COL19A1: variants seen among roughly 807,000 people sequenced by gnomAD.
The protein encoded by COL19A1 is collagen type XIX alpha 1 chain.
A neutral mutation model predicts 190.2 loss-of-function variants in COL19A1; 159 were observed. That is an observed-to-expected ratio of 0.84 (90% CI 0.73 to 0.95). The LOEUF is 0.95. Ranked by LOEUF, COL19A1 falls within the 40% of genes least tolerant of loss-of-function variation. COL19A1 has a pLI of 0.00. For synonymous variants in COL19A1, 509 were observed against 458.9 expected, an observed-to-expected ratio of 1.11 and a Z score of -1.39; for missense variants, 1,418 against 1,431.9, an observed-to-expected ratio of 0.99 and a Z score of 0.16.
intron 4 of COL19A1, among the ~76,000 whole-genome samples, chr6:69,919,542 A>G (rs1215337722): frequency 1.3e-5 from 2 of 152,060 alleles, no homozygotes; most frequent in African/African-American, 4.8e-5. Context: ...TGTATTTCCT[A>G]ATGGTTTTAA....
intron 11 of COL19A1, among the ~76,000 whole-genome samples, chr6:70,003,956 C>A (rs1777448643): frequency 6.6e-6 from 1 of 152,106 alleles, no homozygotes; most frequent in Admixed American, 6.6e-5. Context: ...GATGCAATTT[C>A]TTCATAGTGT....
At chr6:70,046,692 TTAATC>T in intron 14 of COL19A1, among the ~76,000 whole-genome samples, 1 of 151,414 alleles carries the variant, frequency 6.6e-6, no homozygotes, top group Middle Eastern at 3.4e-3. Context: ...TAAAATGTCT[TTAATC>T]TATAGTTGTA....
chr6:70,147,999 G>A (rs1027912556), intron 27 of COL19A1, among the ~76,000 whole-genome samples: 1 of 152,120 alleles, frequency 6.6e-6, no homozygotes, highest in Non-Finnish European at 1.5e-5. Context: ...GAGATACAAA[G>A]GGAGAGGTCT....
chr6:70,052,638 TA>T (rs1323937072), intron 14 of COL19A1, among the ~76,000 whole-genome samples: 4 of 152,212 alleles, frequency 2.6e-5, no homozygotes, highest in Admixed American at 1.3e-4. Context: ...GTTTCCTATA[TA>T]ATCTATTCTG....
intron 27 of COL19A1, among the ~76,000 whole-genome samples, chr6:70,148,881 T>A (rs1786848705): frequency 6.6e-6 from 1 of 151,432 alleles, no homozygotes; most frequent in African/African-American, 2.4e-5. Flanking sequence ...GAGCTGAGAT[T>A]GCACCACTGT....
At chr6:70,009,971 A>T (rs1185678515) in intron 11 of COL19A1, among the ~76,000 whole-genome samples, 1 of 152,334 alleles carries the variant, frequency 6.6e-6, no homozygotes, top group Non-Finnish European at 1.5e-5. Context: ...ATAAATGTAA[A>T]AACCAAAACT....
chr6:70,052,474 A>G (rs1780259630), intron 14 of COL19A1, among the ~76,000 whole-genome samples: 1 of 152,178 alleles, frequency 6.6e-6, no homozygotes, highest in Non-Finnish European at 1.5e-5. Flanking sequence ...ACCATGGCTA[A>G]CTATACCGCT....
At chr6:69,996,090 C>G (rs1227765459) in intron 11 of COL19A1, among the ~76,000 whole-genome samples, 1 of 152,066 alleles carries the variant, frequency 6.6e-6, no homozygotes, top group Non-Finnish European at 1.5e-5. Flanking sequence ...CTGATGAGGT[C>G]ATCATTTGAA....
At chr6:69,977,161 C>T (rs948952901) in intron 11 of COL19A1, among the ~76,000 whole-genome samples, 1 of 152,074 alleles carries the variant, frequency 6.6e-6, no homozygotes, top group African/African-American at 2.4e-5. Flanking sequence ...TTAGAACCAA[C>T]CCAAATGTCC....
chr6:69,945,504 G>A (rs1002561500), intron 9 of COL19A1, among the ~76,000 whole-genome samples: 11 of 151,922 alleles, frequency 7.2e-5, no homozygotes, highest in Non-Finnish European at 7.4e-5. Context: ...ACCAAAATAC[G>A]TTCATAATTT....
chr6:69,972,860 T>A (rs181826593), intron 11 of COL19A1, among the ~76,000 whole-genome samples: 1 of 152,326 alleles, frequency 6.6e-6, no homozygotes, highest in African/African-American at 2.4e-5. Context: ...TATTGCAATG[T>A]CTTTTGAATT....
intron 9 of COL19A1, among the ~76,000 whole-genome samples, chr6:69,947,421 G>A (rs1327477945): frequency 6.6e-6 from 1 of 151,644 alleles, no homozygotes; most frequent in Admixed American, 6.6e-5. Context: ...TTCAGTTTTT[G>A]TAGAATATTT....
intron 2 of COL19A1, 114 bp from the exon 3 acceptor site, chr6:69,898,834 A>T (rs1204471814): frequency 1.6e-5 from 11 of 677,020 alleles, no homozygotes; most frequent in Non-Finnish European, 2.7e-5. Flanking sequence ...CATTTTACAG[A>T]AATTTAATAA....
At chr6:69,937,075 T>C (rs1342666936) in intron 8 of COL19A1, among the ~76,000 whole-genome samples, 165 bp downstream of exon 8, 3 of 152,128 alleles carry the variant, frequency 2.0e-5, no homozygotes, top group Non-Finnish European at 4.4e-5. Context: ...AAGATAGGAC[T>C]TCCTGGATTC....
chr6:69,882,808 C>T (rs1254806210), intron 2 of COL19A1, among the ~76,000 whole-genome samples: 1 of 152,092 alleles, frequency 6.6e-6, no homozygotes, highest in Non-Finnish European at 1.5e-5. Flanking sequence ...ACCTATTATT[C>T]CAAAATGTGG....
At chr6:70,007,774 A>AT (rs1207360570) in intron 11 of COL19A1, among the ~76,000 whole-genome samples, 1 of 151,948 alleles carries the variant, frequency 6.6e-6, no homozygotes, top group African/African-American at 2.4e-5. Context: ...TAAAATACAC[A>AT]TTTTTCCAAG....
intron 16 of COL19A1, among the ~76,000 whole-genome samples, chr6:70,111,303 G>A (rs3806029): frequency 0.18 from 27,619 of 152,108 alleles, 2,712 homozygotes; most frequent in Non-Finnish European, 0.22. Context: ...AAAGACTGAA[G>A]GAAATTATAT....
chr6:70,180,422 T>C lies in COL19A1; in HGVS notation c.2713-39T>C, dbSNP rs1269060545. ...GTACTTGCATGCAGTTTTAAAACATTTGTTGGCAATTAATTTGTGTCTGTG... is the reference window on the plus strand; with the variant it reads ...GTACTTGCATGCAGTTTTAAAACATCTGTTGGCAATTAATTTGTGTCTGTG... On this transcript the variant is annotated intron_variant, in intron 43 of 50. Transcript: ENST00000620364. 3 of 1,613,900 alleles carry C rather than the reference T, an allele frequency of 1.9e-6. No individual in the cohort carries two copies. In the African/African-American group the frequency reaches 4.0e-5, roughly 22 times the overall value.
At chr6:70,061,288 A>C (rs1419081976) in intron 14 of COL19A1, among the ~76,000 whole-genome samples, 1 of 152,160 alleles carries the variant, frequency 6.6e-6, no homozygotes, top group Non-Finnish European at 1.5e-5. Flanking sequence ...AATGTTCTGA[A>C]GATTAGGAGA....
Sources: allele counts gnomAD v4.1 joint callset (sites outside exome capture counted in the v4.1 genomes callset), GRCh38; gene constraint gnomAD v4.1.1; transcripts MANE v1.5; gene names NCBI Gene and HGNC (gene_info 2026-07-23, HGNC 2026-07-21).